The following IMPG1 variants were observed in gnomAD, a reference collection of about 807,000 sequenced individuals.
The protein encoded by IMPG1 is interphotoreceptor matrix proteoglycan 1.
IMPG1 carries 85 observed loss-of-function variants against 92.0 expected under a neutral mutation model. That is an observed-to-expected ratio of 0.92 (90% confidence interval 0.78 to 1.11). The LOEUF is 1.11. IMPG1 is among the 50% of genes least tolerant of loss of function. The probability of loss-of-function intolerance (pLI) is 0.00; values close to 1 mark genes in which losing one functional copy is unlikely to be tolerated. For missense variants in IMPG1, 1,022 were observed against 956.0 expected (o/e 1.07, Z -0.91); for synonymous variants, 367 against 334.1 (o/e 1.10, Z -1.08).
At chr6:75,979,776 C>T (rs1782598129) in intron 12 of IMPG1, among the ~76,000 whole-genome samples, 1 of 152,174 alleles carries the variant, frequency 6.6e-6, no homozygotes, top group Non-Finnish European at 1.5e-5. Flanking sequence ...TTAGCAAAAG[C>T]ATTGTTTATA....
In IMPG1 at chr6:76,007,546, T is replaced by A. The variant is rs1245019417; in HGVS notation, c.867-46A>T. 7 of 1,341,826 alleles carry A rather than the reference T, an allele frequency of 5.2e-6. No individual in the cohort carries two copies. The East Asian group carries it at 9.3e-5, about 18-fold the overall frequency. 83.1% of individuals were successfully genotyped at this position (1,341,826 alleles called of 1,614,324 possible). ...TGGAAACATGAAAAAGAGAAAAAAA[T>A]TTAATGACATTTATTGAGACATTCA... On this transcript the variant is annotated intron_variant, in intron 8 of 16. Transcript: ENST00000369950.
At chr6:76,032,504 T>C (rs747201633) in intron 4 of IMPG1, among the ~76,000 whole-genome samples, 22 of 152,168 alleles carry the variant, frequency 1.4e-4, no homozygotes, top group Non-Finnish European at 3.1e-4. Context: ...ACAAAATATA[T>C]GAGGATTTTG....
At chr6:76,035,275 G>A (rs541292552) in intron 2 of IMPG1, among the ~76,000 whole-genome samples, 2 of 152,120 alleles carry the variant, frequency 1.3e-5, no homozygotes, top group East Asian at 3.9e-4. Flanking sequence ...GGCTGAGGTG[G>A]GCGGATCACC....
In IMPG1 at chr6:75,921,931, T is replaced by G. The variant is rs1781437463; in HGVS notation, c.*158A>C. Reference sequence around the variant, plus strand: ...CAGAATTTACTGGTTGCCAAGTACATGACTCTTCTATATTTGAAATATGGT... The same window carrying G: ...CAGAATTTACTGGTTGCCAAGTACAGGACTCTTCTATATTTGAAATATGGT... On this transcript the variant is annotated 3_prime_UTR_variant, in exon 17 of 17. Transcript: ENST00000369950. The G allele has an allele frequency of 1.9e-6, 1 of 533,920 alleles. No homozygotes were observed. The highest frequency in any genetic ancestry group is 3.4e-5 in the East Asian group (1 of 29,202). The allele number at this position is 533,920 out of a possible 1,614,324, so 33.1% of individuals were successfully genotyped here. A position where few individuals can be genotyped will look rare whatever the true frequency, so the allele number is the denominator to read the frequency against.
intron 12 of IMPG1, among the ~76,000 whole-genome samples, chr6:75,978,299 CTAGAGCAT>C (rs531840195): frequency 2.0e-5 from 3 of 152,140 alleles, no homozygotes; most frequent in Non-Finnish European, 2.9e-5. Context: ...CTTTGCTGCA[CTAGAGCAT>C]CTTTGTACCC....
At chr6:75,962,119 C>G (rs1218712278) in intron 12 of IMPG1, among the ~76,000 whole-genome samples, 6 of 132,408 alleles carry the variant, frequency 4.5e-5, no homozygotes, top group Non-Finnish European at 9.7e-5. Context: ...TAAAAGATTT[C>G]TTTGCCATTT....
intron 12 of IMPG1, among the ~76,000 whole-genome samples, chr6:75,967,889 T>C (rs1345798841): frequency 6.6e-6 from 1 of 152,202 alleles, no homozygotes; most frequent in Non-Finnish European, 1.5e-5. Context: ...CAATAAGTAG[T>C]TGAGCCCTCA....
chr6:75,983,909 CACAA>C (rs1782670522), intron 12 of IMPG1, among the ~76,000 whole-genome samples: 1 of 152,112 alleles, frequency 6.6e-6, no homozygotes, highest in African/African-American at 2.4e-5. Flanking sequence ...TGGCAAAGCA[CACAA>C]ACAGATATTG....
chr6:75,931,182 G>T (rs752517567), intron 14 of IMPG1, 31 bp from the exon 15 acceptor site: 1 of 1,577,432 alleles, frequency 6.3e-7, no homozygotes, highest in South Asian at 1.1e-5. Flanking sequence ...TTTAACGCAT[G>T]TATGAATAGC....
rs376785964 is a variant in IMPG1, at chr6:76,012,180, C to T, written c.808-956G>A. ...AATAAATTTTCTTAATTAATTTGAC[C>T]TTACTAATGAGGCCTGTTATAATAT... is the stretch of plus-strand genomic sequence containing the variant. On this transcript the variant is annotated intron_variant, in intron 7 of 16. Coordinates refer to ENST00000369950, the MANE Select transcript of IMPG1 (RefSeq NM_001563.4). 1.9e-4 allele frequency among the ~76,000 whole-genome samples: 29 copies of T among 152,144 alleles called. No individual in the cohort carries two copies. The South Asian group carries it at 2.5e-3, about 13-fold the overall frequency.
rs532761580 is a variant in IMPG1 at position 75,981,454 on chromosome 6, T to C, written c.1291+21464A>G. Among the ~76,000 whole-genome samples the C allele has an allele frequency of 9.8e-5, 15 of 152,338 alleles. No individual in the cohort carries two copies. The South Asian group carries it at 3.1e-3, about 32-fold the overall frequency. ...CATTTGGGAAAAATAAATGACTTTTTCTGCTGTATAGCTGAAGAACTTGTT... is the reference window on the plus strand; with the variant it reads ...CATTTGGGAAAAATAAATGACTTTTCCTGCTGTATAGCTGAAGAACTTGTT... On this transcript the variant is annotated intron_variant, in intron 12 of 16. Coordinates refer to ENST00000369950, the MANE Select transcript of IMPG1 (RefSeq NM_001563.4).
At chr6:76,025,119 T>A (rs78017079) in intron 5 of IMPG1, 75 bp downstream of exon 5, 92,036 of 841,250 alleles carry the variant, frequency 0.11, 5,335 homozygotes, top group South Asian at 0.11. Flanking sequence ...TAATTAGGAA[T>A]TGTTTTATAA....
intron 12 of IMPG1, among the ~76,000 whole-genome samples, chr6:75,989,060 C>G (rs1330358282): frequency 6.6e-6 from 1 of 152,116 alleles, no homozygotes; most frequent in East Asian, 1.9e-4. Context: ...TTACCACTGC[C>G]AGTTCTCTCA....
chr6:76,030,778 G>T lies in IMPG1; in HGVS notation c.497+3537C>A, dbSNP rs539854950. ...GCCCCTGTCAGCAGGAAGCAGTTAA[G>T]ATTGGTCTTTGTCTTTATTCTTAAT... On this transcript the variant is annotated intron_variant, in intron 4 of 16. Transcript: ENST00000369950. Among the ~76,000 whole-genome samples the T allele has an allele frequency of 2.6e-5, 4 of 152,304 alleles. No homozygotes were observed. The East Asian group carries it at 7.7e-4, about 29-fold the overall frequency.
At chr6:75,967,653 T>C (rs547904970) in intron 12 of IMPG1, among the ~76,000 whole-genome samples, 40 of 152,086 alleles carry the variant, frequency 2.6e-4, no homozygotes, top group Middle Eastern at 6.8e-3. Flanking sequence ...TCTCAAGGAT[T>C]AAAACAAAGG....
intron 12 of IMPG1, among the ~76,000 whole-genome samples, chr6:75,957,039 C>A (rs1782137467): frequency 6.6e-6 from 1 of 152,144 alleles, no homozygotes; most frequent in South Asian, 2.1e-4. Flanking sequence ...CCTGCCTCAG[C>A]CTCCTGAGTA....
intron 6 of IMPG1, among the ~76,000 whole-genome samples, chr6:76,020,314 A>C (rs1038242424): frequency 5.9e-5 from 9 of 152,168 alleles, no homozygotes; most frequent in Non-Finnish European, 1.2e-4. Context: ...TGGTCTCCCA[A>C]GGTGCTGGGA....
At chr6:75,955,188 A>G (rs1383987916) in intron 12 of IMPG1, among the ~76,000 whole-genome samples, 2 of 152,182 alleles carry the variant, frequency 1.3e-5, no homozygotes, top group African/African-American at 2.4e-5. Flanking sequence ...CATTTAATCT[A>G]TAAATTACTT....
chr6:75,924,763 TTA>T (rs1491480248), intron 15 of IMPG1, among the ~76,000 whole-genome samples: 1 of 98,726 alleles, frequency 1.0e-5, no homozygotes, highest in African/African-American at 3.8e-5. Flanking sequence ...TATCATATAA[TTA>T]TATATAATAT....
Sources: allele counts gnomAD v4.1 joint callset (sites outside exome capture counted in the v4.1 genomes callset), GRCh38; gene constraint gnomAD v4.1.1; transcripts MANE v1.5; gene names NCBI Gene and HGNC (gene_info 2026-07-23, HGNC 2026-07-21).